WDFY4: variants seen among roughly 807,000 people sequenced by gnomAD.
WDFY4 encodes the protein WDFY family member 4.
Under a neutral mutation model 351.9 loss-of-function variants are expected in WDFY4, and 169 were observed. That is an observed-to-expected ratio of 0.48 (90% confidence interval 0.42 to 0.55). The LOEUF (loss-of-function observed/expected upper bound fraction) is 0.55, where lower values mean the gene tolerates loss of function less well. Ranked by LOEUF, WDFY4 falls within the 20% of genes least tolerant of loss-of-function variation. WDFY4 has a pLI of 0.00. For synonymous variants in WDFY4, 1,622 were observed against 1,574.6 expected (o/e 1.03, Z -0.71); for missense variants, 3,803 against 3,935.6 (o/e 0.97, Z 0.90).
intron 18 of WDFY4, among the ~76,000 whole-genome samples, chr10:48,779,522 A>G (rs1398086917): frequency 1.3e-5 from 2 of 152,118 alleles, no homozygotes; most frequent in African/African-American, 4.8e-5. Context: ...ACACAGCACA[A>G]CTGCCTATCC....
At chr10:48,765,404 A>G (rs1456035552) in intron 13 of WDFY4, among the ~76,000 whole-genome samples, 1 of 152,198 alleles carries the variant, frequency 6.6e-6, no homozygotes, top group Non-Finnish European at 1.5e-5. Flanking sequence ...TGTGGGGATA[A>G]TGTCATCTTC....
At chr10:48,915,899 G>A (rs1838483089) in intron 47 of WDFY4, among the ~76,000 whole-genome samples, 1 of 152,150 alleles carries the variant, frequency 6.6e-6, no homozygotes, top group Non-Finnish European at 1.5e-5. Context: ...TAATTGGCTG[G>A]TTTCCAGAGC....
At chr10:48,791,599 T>A (rs2066682461) in intron 23 of WDFY4, among the ~76,000 whole-genome samples, 1 of 152,194 alleles carries the variant, frequency 6.6e-6, no homozygotes, top group African/African-American at 2.4e-5. Context: ...TGATTGTCAT[T>A]GCTATTTAGA....
chr10:48,790,987 C>G lies in WDFY4; in HGVS notation c.4257+70C>G. On this transcript the variant is annotated intron_variant, in intron 23 of 61. Coordinates refer to ENST00000325239, the MANE Select transcript of WDFY4 (RefSeq NM_001394531.1). ...GTCATCCCTGGGAAACAGGGACAAG[C>G]GTTGCTTGCCTCAGTTGCATTCCCT... 2.0e-6 allele frequency: 3 copies of G among 1,512,836 alleles called. No individual in the cohort carries two copies. The African/African-American group carries it at 4.1e-5, about 21-fold the overall frequency. 93.7% of individuals were successfully genotyped at this position (1,512,836 alleles called of 1,614,324 possible).
chr10:48,746,360 G>A lies in WDFY4; in HGVS notation c.2459+2812G>A, dbSNP rs115216877. On this transcript the variant is annotated intron_variant, in intron 12 of 61. Transcript: ENST00000325239. ...TGTACATTTTGCCTTAATAATAATA[G>A]GACTATATCAGGTTTCTTTTGGTTA... Among the ~76,000 whole-genome samples, 614 of 152,126 alleles carry A rather than the reference G, an allele frequency of 4.0e-3. 2 individuals carry two copies. Among genetic ancestry groups the A allele is most frequent in the African/African-American group, 0.014 (570 of 41,514 alleles).
At chr10:48,845,483 A>AGG (rs200653994) in intron 39 of WDFY4, among the ~76,000 whole-genome samples, 1,620 of 152,048 alleles carry the variant, frequency 0.011, 28 homozygotes, top group African/African-American at 0.037. Flanking sequence ...CAGAAGAGAG[A>AGG]GTGCAAGTCT....
At chr10:48,801,374 T>C (rs1377941481) in intron 24 of WDFY4, 2 of 325,420 alleles carry the variant, frequency 6.1e-6, no homozygotes, top group East Asian at 2.0e-4. Context: ...TGCACCTTAT[T>C]GTACTGGTGG....
chr10:48,693,478 C>T (rs1028436326), intron 1 of WDFY4, among the ~76,000 whole-genome samples: 1 of 152,200 alleles, frequency 6.6e-6, no homozygotes, highest in African/African-American at 2.4e-5. Flanking sequence ...CCACCTCCTT[C>T]GGCACGTTGA....
intron 53 of WDFY4, 41 bp downstream of exon 53, chr10:48,959,854 G>T: frequency 6.6e-7 from 1 of 1,512,202 alleles, no homozygotes; most frequent in South Asian, 1.2e-5. Flanking sequence ...CTGGGGACCT[G>T]AACATCCCCT....
rs1463083820 is a variant in WDFY4 at position 48,707,700 on chromosome 10, T to C, written c.-17-2016T>C. Among the ~76,000 whole-genome samples the C allele has an allele frequency of 2.6e-5, 4 of 152,130 alleles. No individual in the cohort carries two copies. The East Asian group carries it at 7.7e-4, about 29-fold the overall frequency. On this transcript the variant is annotated intron_variant, in intron 1 of 61. Coordinates refer to ENST00000325239, the MANE Select transcript of WDFY4 (RefSeq NM_001394531.1). ...AGAAGAGCATTTGCTAACTTAAGTG[T>C]ATGTGGATGGAAATCAGGTGCTGTG...
chr10:48,726,438 T>C (rs1397606389), intron 6 of WDFY4, among the ~76,000 whole-genome samples: 1 of 152,194 alleles, frequency 6.6e-6, no homozygotes, highest in Non-Finnish European at 1.5e-5. Context: ...AAATAAACAT[T>C]AAGACTAGTA....
intron 39 of WDFY4, among the ~76,000 whole-genome samples, chr10:48,849,523 A>G (rs947951603): frequency 2.0e-5 from 3 of 152,230 alleles, no homozygotes. Flanking sequence ...GTTGACAGCC[A>G]AGAGAGCCTG....
In WDFY4 at chr10:48,774,640, C is replaced by T. The variant is rs777919426; in HGVS notation, c.2736C>T (p.Leu912=). 1.3e-5 allele frequency: 20 copies of T among 1,551,636 alleles called. No homozygotes were observed. In the South Asian group the frequency reaches 1.4e-4, roughly 11 times the overall value. ...HSRLIRIFEK[L]ASQAIEPDVL... Reference sequence around the variant, plus strand: ...GCCTCATCAGGATCTTTGAGAAGCTCGCTTCCCAGGCCATTGAACCGGATG... The same window carrying T: ...GCCTCATCAGGATCTTTGAGAAGCTTGCTTCCCAGGCCATTGAACCGGATG... The change falls in exon 14 of 62, where the codon CTC becomes CTT. Residue 912 remains leucine, a synonymous_variant. Transcript: ENST00000325239.
At chr10:48,854,133 A>G (rs553030720) in intron 39 of WDFY4, among the ~76,000 whole-genome samples, 22 of 149,136 alleles carry the variant, frequency 1.5e-4, no homozygotes, top group East Asian at 1.4e-3. Flanking sequence ...TTTTTTTGAC[A>G]AGGTCTGGCT....
chr10:48,787,897 CTTCTTCTTCTTCTTCTTCTTCTT>C (rs2066499880), intron 20 of WDFY4, among the ~76,000 whole-genome samples: 1 of 26,084 alleles, frequency 3.8e-5, no homozygotes, highest in Admixed American at 3.8e-4. Flanking sequence ...TCTTCTCCTT[CTTCTTCTTCTTCTTCTTCTTCTT>C]CTTCTTCTTC....
At chr10:48,837,208 C>T (rs1425303180) in intron 39 of WDFY4, among the ~76,000 whole-genome samples, 1 of 151,462 alleles carries the variant, frequency 6.6e-6, no homozygotes, top group Non-Finnish European at 1.5e-5. Context: ...AGGAAGGGGC[C>T]ATGGAGGAGG....
In WDFY4 at chr10:48,824,222, C is replaced by T. The variant is rs184964577; in HGVS notation, c.5982+1685C>T. 26 of 980,304 alleles carry T rather than the reference C, an allele frequency of 2.7e-5. No homozygotes were observed. The East Asian group carries it at 2.6e-3, about 99-fold the overall frequency. The allele number at this position is 980,304 out of a possible 1,614,324, so 60.7% of individuals were successfully genotyped here. ...TTAAGTGTCCAGTGTGTGTTTGACC[C>T]TTGCTGAACCACCCAGCCTCTCTGA... On this transcript the variant is annotated intron_variant, in intron 35 of 61. Transcript: ENST00000325239.
At chr10:48,959,861 C>A in intron 53 of WDFY4, 48 bp downstream of exon 53, 1 of 1,494,012 alleles carries the variant, frequency 6.7e-7, no homozygotes, top group South Asian at 1.2e-5. Context: ...CCTGAACATC[C>A]CCTCAAGTTC....
intron 27 of WDFY4, among the ~76,000 whole-genome samples, chr10:48,806,869 G>T (rs557708873): frequency 4.6e-5 from 7 of 152,188 alleles, no homozygotes; most frequent in Non-Finnish European, 8.8e-5. Context: ...CTGTAGCCAC[G>T]TTTTAAGTGC....
Sources: gnomAD v4.1 joint callset for allele counts (sites outside exome capture counted in the v4.1 genomes callset) on GRCh38, gnomAD v4.1.1 for gene constraint, MANE v1.5 for transcripts, NCBI Gene and HGNC (gene_info 2026-07-23, HGNC 2026-07-21) for gene names.